Variants in TTC39C observed in about 807,000 individuals in gnomAD.
TTC39C encodes tetratricopeptide repeat protein 39C.
TTC39C carries 33 observed loss-of-function variants against 76.3 expected under a neutral mutation model. The ratio of observed to expected loss-of-function variants is 0.43; its 90% CI spans 0.33 to 0.58. TTC39C has a LOEUF of 0.58. Among genes scored for constraint, TTC39C ranks in the 20% least tolerant of loss-of-function variants. TTC39C has a pLI of 0.04. For missense variants in TTC39C, 595 were observed against 701.4 expected (o/e 0.85, Z 1.71); for synonymous variants, 254 against 260.6 (o/e 0.97, Z 0.24).
chr18:24,024,949 A>G (rs1280903275), intron 1 of TTC39C, among the ~76,000 whole-genome samples: 1 of 152,014 alleles, frequency 6.6e-6, no homozygotes. Flanking sequence ...GCTCACTGCA[A>G]CCTCCAACTC....
chr18:24,043,974 G>A (rs138032824), intron 1 of TTC39C, among the ~76,000 whole-genome samples: 48 of 152,184 alleles, frequency 3.2e-4, no homozygotes, highest in Middle Eastern at 3.4e-3. Flanking sequence ...CTTTACTACC[G>A]CGGATTGGAT....
At chr18:24,129,948 A>G (rs1314556254) in intron 11 of TTC39C, among the ~76,000 whole-genome samples, 2 of 152,234 alleles carry the variant, frequency 1.3e-5, no homozygotes, top group Non-Finnish European at 2.9e-5. Context: ...GATACAGTCA[A>G]GACGCATGTC....
chr18:24,018,533 T>C (rs959722686), intron 1 of TTC39C, among the ~76,000 whole-genome samples: 1 of 152,026 alleles, frequency 6.6e-6, no homozygotes, highest in African/African-American at 2.4e-5. Context: ...TAGGTGTAGG[T>C]AAAGCTGATG....
At chr18:24,108,543 A>AC (rs1198127643) in intron 6 of TTC39C, among the ~76,000 whole-genome samples, 4 of 152,094 alleles carry the variant, frequency 2.6e-5, no homozygotes, top group African/African-American at 9.7e-5. Context: ...ATATTAGTAG[A>AC]CCCCAGGCTT....
At chr18:24,052,297 A>G (rs2083960465) in intron 1 of TTC39C, among the ~76,000 whole-genome samples, 1 of 152,188 alleles carries the variant, frequency 6.6e-6, no homozygotes, top group Non-Finnish European at 1.5e-5. Flanking sequence ...TGGACCGTGT[A>G]TGCTCTCTGA....
Position 24,080,687 on chromosome 18 carries a change from CTGA to C in TTC39C, c.564_566del (p.Glu190del). On this transcript the variant is annotated inframe_deletion, in exon 5 of 14. Transcript: ENST00000317571. Reference sequence around the variant, plus strand: ...CAGGAGCTGTATCAGAAGAAGCTAACTGAAGAGTCCTTGACTTCTGATGCTGCA... The same window carrying C: ...CAGGAGCTGTATCAGAAGAAGCTAACAGAGTCCTTGACTTCTGATGCTGCA... 6.2e-7 allele frequency: 1 copy of C among 1,614,126 alleles called. No individual in the cohort carries two copies. Among genetic ancestry groups the C allele is most frequent in the Non-Finnish European group, 8.5e-7 (1 of 1,179,990 alleles).
upstream of TTC39C, among the ~76,000 whole-genome samples, chr18:24,011,345 G>T (rs144617107): frequency 3.3e-5 from 5 of 152,214 alleles, no homozygotes; most frequent in African/African-American, 1.2e-4. Flanking sequence ...TTAATTAGGG[G>T]ATTTCAGTTA....
chr18:24,068,777 A>G (rs2084201328), intron 3 of TTC39C, among the ~76,000 whole-genome samples: 1 of 152,194 alleles, frequency 6.6e-6, no homozygotes, highest in Middle Eastern at 3.2e-3. Flanking sequence ...TGCAAAGTTG[A>G]CTTTTCAGGT....
intron 6 of TTC39C, among the ~76,000 whole-genome samples, chr18:24,094,737 T>A (rs1028123343): frequency 6.6e-6 from 1 of 152,244 alleles, no homozygotes; most frequent in African/African-American, 2.4e-5. Flanking sequence ...ACAGTGTGCT[T>A]AAAATACTGA....
At chr18:24,121,021 C>T (rs2084961169) in intron 8 of TTC39C, 1 of 152,138 alleles carries the variant, frequency 6.6e-6, no homozygotes, top group Non-Finnish European at 1.5e-5. Flanking sequence ...ACATCTGTTC[C>T]AGTCCTTGCT....
chr18:24,115,923 G>A lies in TTC39C; in HGVS notation c.1078+1276G>A, dbSNP rs61371505. Among the ~76,000 whole-genome samples, 1,230 of 152,328 alleles carry A rather than the reference G, an allele frequency of 8.1e-3. 17 individuals are homozygous for A. Among genetic ancestry groups the A allele is most frequent in the African/African-American group, 0.028 (1,169 of 41,560 alleles). Reference sequence around the variant, plus strand: ...TGAATGAAAAACTCTAGCTTTGGTGGCCTTTTGTTGGTGCATCATTTCAAG... The same window carrying A: ...TGAATGAAAAACTCTAGCTTTGGTGACCTTTTGTTGGTGCATCATTTCAAG... On this transcript the variant is annotated intron_variant, in intron 7 of 13. Coordinates refer to ENST00000317571, the MANE Select transcript of TTC39C (RefSeq NM_001135993.2).
intron 1 of TTC39C, among the ~76,000 whole-genome samples, chr18:24,054,250 A>G (rs1243226308): frequency 6.6e-6 from 1 of 152,096 alleles, no homozygotes; most frequent in African/African-American, 2.4e-5. Context: ...TCAGTGAATC[A>G]CTCATTCCCA....
intron 1 of TTC39C, among the ~76,000 whole-genome samples, chr18:24,018,500 C>T (rs1235512644): frequency 2.0e-5 from 3 of 152,076 alleles, no homozygotes; most frequent in Admixed American, 6.5e-5. Flanking sequence ...AAGACATGTG[C>T]TAGATATTTC....
chr18:24,044,809 C>A (rs538653410), intron 1 of TTC39C, among the ~76,000 whole-genome samples: 1 of 152,146 alleles, frequency 6.6e-6, no homozygotes, highest in Non-Finnish European at 1.5e-5. Context: ...TATTTGTTTT[C>A]GGAAAGATTT....
chr18:24,082,282 C>T (rs887073862), intron 5 of TTC39C, among the ~76,000 whole-genome samples: 1 of 151,756 alleles, frequency 6.6e-6, no homozygotes, highest in Non-Finnish European at 1.5e-5. Flanking sequence ...TTAAATTGAA[C>T]ATCTTCAAAG....
chr18:24,128,022 G>A (rs1465843709), intron 10 of TTC39C, among the ~76,000 whole-genome samples: 1 of 152,026 alleles, frequency 6.6e-6, no homozygotes, highest in Non-Finnish European at 1.5e-5. Flanking sequence ...CCCTTGCTCA[G>A]CACGGTCCTC....
At chr18:24,064,912 A>G (rs961774524) in intron 2 of TTC39C, among the ~76,000 whole-genome samples, 2 of 152,214 alleles carry the variant, frequency 1.3e-5, no homozygotes, top group African/African-American at 2.4e-5. Flanking sequence ...TATTCAAGGT[A>G]TTTATTTCCT....
intron 1 of TTC39C, among the ~76,000 whole-genome samples, chr18:24,042,287 T>C (rs9947518): frequency 0.81 from 123,280 of 152,102 alleles, 50,991 homozygotes; most frequent in African/African-American, 0.91. Flanking sequence ...GTTTCATGGG[T>C]GACAGTTTTT....
At chr18:24,051,872 G>A (rs1422421551) in intron 1 of TTC39C, among the ~76,000 whole-genome samples, 1 of 152,140 alleles carries the variant, frequency 6.6e-6, no homozygotes, top group African/African-American at 2.4e-5. Context: ...GTGGTTGGTT[G>A]GTTCACTAAA....
Sources: allele counts gnomAD v4.1 joint callset (sites outside exome capture counted in the v4.1 genomes callset), GRCh38; gene constraint gnomAD v4.1.1; transcripts MANE v1.5; gene names NCBI Gene and HGNC (gene_info 2026-07-23, HGNC 2026-07-21).